The following AKIP1 variants were observed in gnomAD, a reference collection of about 807,000 sequenced individuals.
AKIP1 encodes the protein A-kinase interacting protein 1.
A neutral mutation model predicts 22.3 loss-of-function variants in AKIP1; 18 were observed. The ratio of observed to expected loss-of-function variants is 0.81; its 90% CI spans 0.56 to 1.19. AKIP1 has a LOEUF of 1.19. Ranked by LOEUF, AKIP1 falls within the 50% of genes most tolerant of loss-of-function variation. The probability of loss-of-function intolerance (pLI) is 0.00; values close to 1 mark genes in which losing one functional copy is unlikely to be tolerated. For missense variants in AKIP1, 287 were observed against 264.6 expected (o/e 1.08, Z -0.59); for synonymous variants, 120 against 102.7 (o/e 1.17, Z -1.02).
At chr11:8,918,490 G>T (rs2064521906) in intron 5 of AKIP1, among the ~76,000 whole-genome samples, 1 of 152,158 alleles carries the variant, frequency 6.6e-6, no homozygotes, top group South Asian at 2.1e-4. Flanking sequence ...GGCTTTTCCT[G>T]TGTGTGGTAG....
At chr11:8,916,045 C>G (rs901114627) in intron 4 of AKIP1, among the ~76,000 whole-genome samples, 1 of 151,968 alleles carries the variant, frequency 6.6e-6, no homozygotes, top group Non-Finnish European at 1.5e-5. Context: ...TGGTCTCGAT[C>G]TCCCGACCTC....
At position 8,919,498 on chromosome 11, in the gene AKIP1, A is replaced by G. The variant is rs773056324; in HGVS notation, c.*18A>G. The G allele has an allele frequency of 2.5e-6, 4 of 1,610,734 alleles. No homozygotes were observed. Among genetic ancestry groups the G allele is most frequent in the Non-Finnish European group, 3.4e-6 (4 of 1,178,906 alleles). On this transcript the variant is annotated 3_prime_UTR_variant, in exon 6 of 6. Coordinates refer to ENST00000309377, the MANE Select transcript of AKIP1 (RefSeq NM_020642.4). The stretch of plus-strand genomic sequence containing the variant: ...CTGTGTGATGTTGACCATCACTGCC[A>G]TCACATCACCTTTTTTTAAGTAGTA...
At chr11:8,915,707 C>T (rs1261345970) in intron 4 of AKIP1, among the ~76,000 whole-genome samples, 3 of 150,034 alleles carry the variant, frequency 2.0e-5, no homozygotes, top group South Asian at 2.1e-4. Context: ...GGTGCGATCG[C>T]GGCTCACTGC....
chr11:8,912,348 T>C, intron 2 of AKIP1, 105 bp from the exon 3 acceptor site: 1 of 847,688 alleles, frequency 1.2e-6, no homozygotes, highest in Non-Finnish European at 2.0e-6. Flanking sequence ...TGACATAAAC[T>C]TGCAGAGCCT....
chr11:8,919,793 T>C lies in AKIP1; in HGVS notation c.*313T>C, dbSNP rs994991844. ...CTGGCACTACAGGCACCCGCCACCA[T>C]GCCCGGCTATTTTTTTTGTATTTTT... On this transcript the variant is annotated 3_prime_UTR_variant, in exon 6 of 6. Transcript: ENST00000309377. The C allele has an allele frequency of 7.8e-5, 17 of 217,406 alleles. No individual in the cohort carries two copies. Among genetic ancestry groups the C allele is most frequent in the Non-Finnish European group, 1.3e-4 (14 of 109,042 alleles). 13.5% of individuals were successfully genotyped at this position (217,406 alleles called of 1,614,324 possible).
intron 3 of AKIP1, among the ~76,000 whole-genome samples, chr11:8,913,886 G>T (rs1217015452): frequency 6.6e-6 from 1 of 152,164 alleles, no homozygotes; most frequent in Non-Finnish European, 1.5e-5. Flanking sequence ...CTTGGTTCAT[G>T]GTTCAGCAAA....
At chr11:8,913,354 A>G (rs1031762654) in intron 3 of AKIP1, among the ~76,000 whole-genome samples, 1 of 150,540 alleles carries the variant, frequency 6.6e-6, no homozygotes, top group African/African-American at 2.5e-5. Flanking sequence ...TGCCTGGCTA[A>G]TTTTTGTATT....
At chr11:8,912,998 C>T (rs574188266) in intron 3 of AKIP1, among the ~76,000 whole-genome samples, 1 of 149,162 alleles carries the variant, frequency 6.7e-6, no homozygotes, top group South Asian at 2.1e-4. Flanking sequence ...CCTCAGCCTC[C>T]CTAGTAGCTG....
chr11:8,917,431 A>C (rs747183024), intron 5 of AKIP1, 64 bp downstream of exon 5: 1 of 1,255,008 alleles, frequency 8.0e-7, no homozygotes, highest in Non-Finnish European at 1.2e-6. Context: ...ACCAGTTGAC[A>C]TGGTTCTTAG....
intron 3 of AKIP1, 88 bp downstream of exon 3, chr11:8,912,621 C>T (rs2134795415): frequency 8.5e-7 from 1 of 1,169,808 alleles, no homozygotes; most frequent in Non-Finnish European, 1.3e-6. Context: ...AATCTGGACA[C>T]TACCTGTTTC....
In AKIP1 at chr11:8,914,260, G is replaced by T. The variant is rs547741524; in HGVS notation, c.304-566G>T. Among the ~76,000 whole-genome samples the T allele has an allele frequency of 6.6e-5, 10 of 152,316 alleles. No individual in the cohort carries two copies. The South Asian group carries it at 2.1e-3, about 32-fold the overall frequency. The stretch of plus-strand genomic sequence containing the variant: ...GAGGAAGGAAGCAGACAAGAGAAAT[G>T]TAACTGTTTTCCGATCTTTCGGAAG... On this transcript the variant is annotated intron_variant, in intron 3 of 5. Coordinates refer to ENST00000309377, the MANE Select transcript of AKIP1 (RefSeq NM_020642.4).
chr11:8,915,287 C>A (rs1469991803), intron 4 of AKIP1, among the ~76,000 whole-genome samples: 1 of 151,578 alleles, frequency 6.6e-6, no homozygotes, highest in Non-Finnish European at 1.5e-5. Context: ...CAACATAGAC[C>A]CTTTCTCTAA....
intron 4 of AKIP1, among the ~76,000 whole-genome samples, chr11:8,916,011 G>A (rs941706643): frequency 6.6e-5 from 10 of 151,706 alleles, no homozygotes; most frequent in African/African-American, 2.2e-4. Flanking sequence ...TAGTGGAGAC[G>A]GGGTTTCGCT....
chr11:8,911,274 G>A (rs574547140), intron 1 of AKIP1, 51 bp downstream of exon 1: 10 of 608,974 alleles, frequency 1.6e-5, no homozygotes, highest in South Asian at 1.6e-4. Flanking sequence ...TGGAAGGGGC[G>A]GGCGCGCTAG....
At chr11:8,913,604 T>C (rs987627807) in intron 3 of AKIP1, among the ~76,000 whole-genome samples, 4 of 152,226 alleles carry the variant, frequency 2.6e-5, no homozygotes, top group African/African-American at 9.6e-5. Flanking sequence ...CCTCATGCAG[T>C]CTTAACACTT....
intron 2 of AKIP1, 28 bp downstream of exon 2, chr11:8,911,699 C>T (rs1482595804): frequency 1.4e-6 from 2 of 1,474,386 alleles, no homozygotes; most frequent in Non-Finnish European, 1.8e-6. Flanking sequence ...GGGGGCCGCC[C>T]CAGTCCTTCG....
chr11:8,913,041 AT>A (rs924253682), intron 3 of AKIP1, among the ~76,000 whole-genome samples: 61 of 139,578 alleles, frequency 4.4e-4, no homozygotes, highest in African/African-American at 4.2e-4. Flanking sequence ...CGCCCAGCTA[AT>A]TTTTTTTTTT....
intron 3 of AKIP1, 80 bp downstream of exon 3, chr11:8,912,613 T>A: frequency 7.9e-7 from 1 of 1,260,436 alleles, no homozygotes; most frequent in Non-Finnish European, 1.2e-6. Flanking sequence ...TTACGGAGAA[T>A]CTGGACACTA....
chr11:8,912,467 C>G lies in AKIP1; in HGVS notation c.237C>G (p.Pro79=). The change falls in exon 3 of 6, where the codon CCC becomes CCG. Residue 79 remains proline, a synonymous_variant. Transcript: ENST00000309377. ...RVLPGEREER[P]PTLSASFRTM... Reference sequence around the variant, plus strand: ...TATTCAAATAGAGAGAAGAGAGACCCCCAACCCTTAGTGCTTCCTTCAGAA... The same window carrying G: ...TATTCAAATAGAGAGAAGAGAGACCGCCAACCCTTAGTGCTTCCTTCAGAA... The G allele has an allele frequency of 6.2e-7, 1 of 1,613,970 alleles. No individual in the cohort carries two copies. The highest frequency in any genetic ancestry group is 8.5e-7 in the Non-Finnish European group (1 of 1,179,872).
Sources: gnomAD v4.1 joint callset for allele counts (sites outside exome capture counted in the v4.1 genomes callset) on GRCh38, gnomAD v4.1.1 for gene constraint, MANE v1.5 for transcripts, NCBI Gene and HGNC (gene_info 2026-07-23, HGNC 2026-07-21) for gene names.